Variants in HECW2 observed in about 807,000 individuals in gnomAD.
The protein encoded by HECW2 is E3 ubiquitin-protein ligase HECW2.
In HECW2, 61 loss-of-function variants were observed where a neutral mutation model predicts 175.2. The ratio of observed to expected loss-of-function variants is 0.35; its 90% CI spans 0.28 to 0.43. The LOEUF is 0.43. HECW2 is among the 20% of genes least tolerant of loss of function. The probability of loss-of-function intolerance (pLI) is 1.00; values close to 1 mark genes in which losing one functional copy is unlikely to be tolerated. For missense variants in HECW2, 1,524 were observed against 2,000.5 expected, an observed-to-expected ratio of 0.76 and a Z score of 4.54; for synonymous variants, 671 against 731.0, an observed-to-expected ratio of 0.92 and a Z score of 1.32.
At chr2:196,469,461 C>T (rs4508613) in intron 1 of HECW2, among the ~76,000 whole-genome samples, 27 of 151,922 alleles carry the variant, frequency 1.8e-4, no homozygotes, top group Non-Finnish European at 3.5e-4. Flanking sequence ...TAGTTTATTC[C>T]TGAATCACCT....
intron 1 of HECW2, among the ~76,000 whole-genome samples, chr2:196,469,102 TGTGTGTGTGTGTGTGTGC>T (rs1219350171): frequency 3.5e-5 from 3 of 85,184 alleles, no homozygotes; most frequent in African/African-American, 1.8e-4. Context: ...TCACTGAACC[TGTGTGTGTGTGTGTGTGC>T]GTGTGTGTGT....
At chr2:196,413,587 C>T (rs189731136) in intron 2 of HECW2, among the ~76,000 whole-genome samples, 8 of 152,268 alleles carry the variant, frequency 5.3e-5, no homozygotes, top group African/African-American at 1.9e-4. Flanking sequence ...TCAGCTGATA[C>T]ACCCGCCTTG....
intron 15 of HECW2, among the ~76,000 whole-genome samples, chr2:196,274,350 G>A (rs1465479730): frequency 2.6e-5 from 4 of 152,160 alleles, no homozygotes; most frequent in African/African-American, 9.7e-5. Flanking sequence ...GAGAGGGGCT[G>A]GGGCAGTGAC....
intron 2 of HECW2, among the ~76,000 whole-genome samples, chr2:196,414,194 C>A (rs1043452020): frequency 6.6e-6 from 1 of 152,192 alleles, no homozygotes; most frequent in Non-Finnish European, 1.5e-5. Flanking sequence ...GGGACTTGAG[C>A]ACAGCTGTCA....
chr2:196,443,041 G>C (rs1348089771), intron 1 of HECW2, among the ~76,000 whole-genome samples: 1 of 152,076 alleles, frequency 6.6e-6, no homozygotes. Context: ...AGATGCTCTT[G>C]GGTAACAGTA....
intron 2 of HECW2, chr2:196,362,318 T>C: frequency 8.4e-6 from 1 of 119,070 alleles, no homozygotes. Context: ...GAGTTATGTG[T>C]ACACACACAC....
chr2:196,210,381 T>G (rs1400845036), intron 28 of HECW2, among the ~76,000 whole-genome samples: 1 of 152,014 alleles, frequency 6.6e-6, no homozygotes, highest in African/African-American at 2.4e-5. Flanking sequence ...TTTTTTTCCT[T>G]CAGAAATGGT....
At chr2:196,527,080 G>T (rs1446001335) in intron 1 of HECW2, among the ~76,000 whole-genome samples, 1 of 152,326 alleles carries the variant, frequency 6.6e-6, no homozygotes, top group African/African-American at 2.4e-5. Flanking sequence ...CCCCAGCCTT[G>T]CTGCCGCCTT....
At chr2:196,592,738 CG>C (rs1187636903) in intron 1 of HECW2, 1 of 152,116 alleles carries the variant, frequency 6.6e-6, no homozygotes, top group Non-Finnish European at 1.5e-5. Flanking sequence ...CACCTCCCGC[CG>C]TCCGCTACCT....
chr2:196,224,799 G>A (rs1185890942), intron 23 of HECW2, among the ~76,000 whole-genome samples: 1 of 152,244 alleles, frequency 6.6e-6, no homozygotes. Context: ...GAGAAGATAA[G>A]AGATAAGGCA....
rs141902056 is a variant in HECW2, at chr2:196,505,984, T to C, written c.-35-72526A>G. Among the ~76,000 whole-genome samples, 201 of 152,046 alleles carry C rather than the reference T, an allele frequency of 1.3e-3. 3 individuals carry two copies. In the East Asian group the frequency reaches 0.034, roughly 26 times the overall value. Reference sequence around the variant, plus strand: ...ATGAAGGAAGATGAAGGTGATTAAGTGGGAGCAACAGAGCAGGGGTATCTC... The same window carrying C: ...ATGAAGGAAGATGAAGGTGATTAAGCGGGAGCAACAGAGCAGGGGTATCTC... On this transcript the variant is annotated intron_variant, in intron 1 of 28. Transcript: ENST00000644978.
At chr2:196,202,213 C>T (rs1395173266) in intron 28 of HECW2, among the ~76,000 whole-genome samples, 4 of 152,048 alleles carry the variant, frequency 2.6e-5, no homozygotes, top group African/African-American at 9.7e-5. Flanking sequence ...ACCTACATAA[C>T]TTTGACTTAA....
intron 1 of HECW2, among the ~76,000 whole-genome samples, chr2:196,558,039 T>C (rs1457863623): frequency 2.0e-5 from 3 of 152,336 alleles, no homozygotes; most frequent in Admixed American, 2.0e-4. Context: ...GTAAGGTAGA[T>C]ACTAATCCTA....
At chr2:196,208,628 C>T (rs1687152131) in intron 28 of HECW2, among the ~76,000 whole-genome samples, 1 of 152,160 alleles carries the variant, frequency 6.6e-6, no homozygotes, top group Admixed American at 6.5e-5. Context: ...CAGGAGATCA[C>T]CTCTAACCCG....
chr2:196,319,012 G>T lies in HECW2; in HGVS notation c.1878C>A (p.Ser626Arg). ...CTCCCTCAGGCCTGGTGCTGGCTTC[G>T]CTCACACTCTCTGTCCTGGCAGGAT... ...PSDPARTESV[S>R]EASTRPEGES... The change falls in exon 9 of 29, where the codon AGC (serine) becomes AGA (arginine). Residue 626 changes from serine (S) to arginine (R), a missense_variant. Around this residue, in one of 11 missense-constraint regions of HECW2, gnomAD observed 604 missense variants for 588.3 expected, o/e 1.03. Coordinates refer to ENST00000644978, the MANE Select transcript of HECW2 (RefSeq NM_001348768.2). 6.2e-7 allele frequency: 1 copy of T among 1,613,804 alleles called. No homozygotes were observed. The highest frequency in any genetic ancestry group is 2.2e-5 in the East Asian group (1 of 44,868).
At chr2:196,314,835 C>T (rs772087497) in intron 10 of HECW2, among the ~76,000 whole-genome samples, 4 of 152,190 alleles carry the variant, frequency 2.6e-5, no homozygotes, top group East Asian at 1.9e-4. Context: ...TCCAGCCAGA[C>T]ACCCCAAGCT....
At chr2:196,330,679 C>T (rs1220785478) in intron 4 of HECW2, among the ~76,000 whole-genome samples, 3 of 152,112 alleles carry the variant, frequency 2.0e-5, no homozygotes, top group Admixed American at 1.3e-4. Flanking sequence ...AACCTCCATG[C>T]GATATCTGAT....
intron 1 of HECW2, among the ~76,000 whole-genome samples, chr2:196,486,966 A>C (rs552601203): frequency 8.9e-4 from 136 of 152,100 alleles, no homozygotes; most frequent in African/African-American, 3.2e-3. Flanking sequence ...AGACGCTGTC[A>C]CTACAAAAAA....
intron 10 of HECW2, 57 bp downstream of exon 10, chr2:196,317,217 G>T: frequency 7.7e-7 from 1 of 1,304,560 alleles, no homozygotes; most frequent in Non-Finnish European, 1.1e-6. Flanking sequence ...GAATGGGTCT[G>T]CCTGTCACCT....
Sources: gnomAD v4.1 joint callset for allele counts (sites outside exome capture counted in the v4.1 genomes callset) on GRCh38, gnomAD v4.1.1 for gene constraint, gnomAD v4.1.1 regional missense constraint, MANE v1.5 for transcripts, NCBI Gene and HGNC (gene_info 2026-07-23, HGNC 2026-07-21) for gene names.